The following COX7A2L variants were observed in gnomAD, a reference collection of about 807,000 sequenced individuals.
COX7A2L encodes cytochrome c oxidase subunit 7A2-like, mitochondrial.
Under a neutral mutation model 14.2 loss-of-function variants are expected in COX7A2L, and 18 were observed. The observed-to-expected ratio is 1.27, with a 90% CI of 0.88 to 1.88. The LOEUF (loss-of-function observed/expected upper bound fraction) is 1.88. Ranked by LOEUF, COX7A2L falls within the 40% of genes most tolerant of loss-of-function variation. COX7A2L has a pLI of 0.00. For missense variants in COX7A2L, 179 were observed against 138.8 expected (o/e 1.29, Z -1.46); for synonymous variants, 65 against 57.4 (o/e 1.13, Z -0.60).
upstream of COX7A2L, among the ~76,000 whole-genome samples, chr2:42,364,250 C>CAAAAAAAAAAAAAAAAAA (rs35151680): frequency 4.1e-4 from 35 of 85,420 alleles, no homozygotes; most frequent in African/African-American, 1.3e-3. Context: ...GACTCCGTCT[C>CAAAAAAAAAAAAAAAAAA]AAAAAAAAAA....
Position 42,351,254 on chromosome 2 carries a change from C to T in COX7A2L, c.310G>A (p.Ala104Thr), listed in dbSNP as rs752710138. ...TTGGGCTGCGAAGCCATGTAGAGGG[C>T]GATCAGGCAGTAGATGGTCCCTCCC... is the stretch of plus-strand genomic sequence containing the variant. ...TVGGTIYCLI[A>T]LYMASQPKNK Residue 104 changes from alanine (A) to threonine (T), a missense_variant, in exon 3 of 3, where the codon GCC becomes ACC. By Grantham distance (58) the Ala-to-Thr change is moderately conservative (BLOSUM62 0). Transcript: ENST00000234301. 1.1e-5 allele frequency: 17 copies of T among 1,614,032 alleles called. No homozygotes were observed. Among genetic ancestry groups the T allele is most frequent in the East Asian group, 2.2e-5 (1 of 44,876 alleles).
At chr2:42,366,395 G>A (rs1471116872) in intron 1 of COX7A2L, among the ~76,000 whole-genome samples, 1 of 152,206 alleles carries the variant, frequency 6.6e-6, no homozygotes, top group East Asian at 1.9e-4. Context: ...TTGCACTGCA[G>A]CCTGGGTGAC....
intron 2 of COX7A2L, among the ~76,000 whole-genome samples, chr2:42,352,234 A>C (rs1379951313): frequency 6.6e-6 from 1 of 152,110 alleles, no homozygotes; most frequent in African/African-American, 2.4e-5. Context: ...CAGTGGCTCA[A>C]TCATAGCTCA....
chr2:42,360,248 C>G (rs754547066), intron 1 of COX7A2L, among the ~76,000 whole-genome samples: 1 of 152,180 alleles, frequency 6.6e-6, no homozygotes, highest in Non-Finnish European at 1.5e-5. Context: ...TTATCCAGAA[C>G]CAACCACCTG....
In COX7A2L at chr2:42,339,012, G is replaced by T. The variant is rs369208961; in HGVS notation, c.193-5143C>A. Reference sequence around the variant, plus strand: ...ATCACTGGCTGGAGCCTGCATCACAGTCACCCGTGTTTGCACTGGAAGCCA... The same window carrying T: ...ATCACTGGCTGGAGCCTGCATCACATTCACCCGTGTTTGCACTGGAAGCCA... On this transcript the variant is annotated intron_variant, in intron 2 of 2. Coordinates refer to the COX7A2L transcript ENST00000468711. This position sits in a 1 kb window ranked among gnomAD's most constrained non-coding sequence, Gnocchi z 5.4. 1.2e-4 allele frequency among the ~76,000 whole-genome samples: 18 copies of T among 152,184 alleles called. No homozygotes were observed. The highest frequency in any genetic ancestry group is 4.3e-4 in the African/African-American group (18 of 41,442).
At chr2:42,353,413 A>G in intron 1 of COX7A2L, 70 bp from the exon 2 acceptor site, 1 of 1,583,724 alleles carries the variant, frequency 6.3e-7, no homozygotes. Flanking sequence ...TAGTGGAGGC[A>G]GCCATTCAAC....
At position 42,342,718 on chromosome 2, in the gene COX7A2L, G is replaced by C. The variant is rs962181992; in HGVS notation, c.193-8849C>G. Among the ~76,000 whole-genome samples the C allele has an allele frequency of 3.3e-5, 5 of 152,160 alleles. No homozygotes were observed. The highest frequency in any genetic ancestry group is 4.8e-5 in the African/African-American group (2 of 41,432). ...ACGAGGTCAGAACAAGAGAAGGCAG[G>C]ATGTCCCAGGAGGGCTGTGTCAGAA... is the stretch of plus-strand genomic sequence containing the variant. On this transcript the variant is annotated intron_variant, in intron 2 of 2. Coordinates refer to the COX7A2L transcript ENST00000468711. This position sits in a 1 kb window ranked among gnomAD's most constrained non-coding sequence, Gnocchi z 4.9.
chr2:42,354,270 T>TA (rs1377769329), intron 1 of COX7A2L, among the ~76,000 whole-genome samples: 2 of 152,040 alleles, frequency 1.3e-5, no homozygotes, highest in South Asian at 4.1e-4. Context: ...AAAGCTGCTT[T>TA]AAAAAAAGGT....
chr2:42,363,230 G>T (rs1281462571), upstream of COX7A2L, among the ~76,000 whole-genome samples: 1 of 152,130 alleles, frequency 6.6e-6, no homozygotes, highest in Non-Finnish European at 1.5e-5. Context: ...ACGACAAAAA[G>T]TTCGACTACC....
intron 2 of COX7A2L, among the ~76,000 whole-genome samples, chr2:42,336,119 C>T (rs1323774598): frequency 1.3e-5 from 2 of 152,240 alleles, no homozygotes; most frequent in Non-Finnish European, 2.9e-5. Flanking sequence ...GGCAGCTTCT[C>T]TCTGTCATTG....
chr2:42,368,655 T>C (rs926198173), intron 1 of COX7A2L, among the ~76,000 whole-genome samples: 2 of 152,226 alleles, frequency 1.3e-5, no homozygotes, highest in Admixed American at 1.3e-4. Flanking sequence ...GGGAATGATA[T>C]CTACTTTGTG....
chr2:42,360,553 G>A (rs981046265), intron 1 of COX7A2L, among the ~76,000 whole-genome samples: 8 of 152,196 alleles, frequency 5.3e-5, no homozygotes, highest in Non-Finnish European at 1.2e-4. Context: ...TAACCTCGCT[G>A]CATGCAACTT....
At chr2:42,352,732 A>G in intron 2 of COX7A2L, among the ~76,000 whole-genome samples, 1 of 152,120 alleles carries the variant, frequency 6.6e-6, no homozygotes, top group East Asian at 1.9e-4. Context: ...AACATTTTCA[A>G]TTCTGATTCT....
chr2:42,366,113 C>T (rs1003455493), upstream of COX7A2L, among the ~76,000 whole-genome samples: 1 of 152,110 alleles, frequency 6.6e-6, no homozygotes, highest in African/African-American at 2.4e-5. Context: ...TATAGAAAAG[C>T]TACCTGAATC....
chr2:42,361,202 A>T lies in COX7A2L; in HGVS notation c.-41T>A. 6.4e-7 allele frequency: 1 copy of T among 1,560,578 alleles called. No individual in the cohort carries two copies. Among genetic ancestry groups the T allele is most frequent in the Non-Finnish European group, 8.7e-7 (1 of 1,147,170 alleles). ...GCTTCCCGCATCCGCTGCCAACGCG[A>T]CCGCCCCAGAGAAGGACCCCGCCTC... is the stretch of plus-strand genomic sequence containing the variant. On this transcript the variant is annotated 5_prime_UTR_variant, in exon 1 of 3. Coordinates refer to ENST00000234301, the MANE Select transcript of COX7A2L (RefSeq NM_004718.4).
chr2:42,341,061 A>G (rs902603941), intron 2 of COX7A2L, among the ~76,000 whole-genome samples: 1 of 152,132 alleles, frequency 6.6e-6, no homozygotes, highest in African/African-American at 2.4e-5. Context: ...TCTTGGTTAT[A>G]ACGTGTCACA....
upstream of COX7A2L, among the ~76,000 whole-genome samples, chr2:42,362,056 G>A (rs190273001): frequency 6.6e-6 from 1 of 152,168 alleles, no homozygotes; most frequent in East Asian, 1.9e-4. Context: ...TCTCACCTGA[G>A]TTTTAAGGTC....
In COX7A2L at chr2:42,353,212, C is replaced by T; in HGVS notation, c.204G>A (p.Gln68=). 1 of 1,613,820 alleles carries T rather than the reference C, an allele frequency of 6.2e-7. No homozygotes were observed. The highest frequency in any genetic ancestry group is 8.5e-7 in the Non-Finnish European group (1 of 1,179,950). The change falls in exon 2 of 3, where the codon CAG becomes CAA. Residue 68 remains glutamine (Q), a splice_region_variant and synonymous_variant. Coordinates refer to ENST00000234301, the MANE Select transcript of COX7A2L (RefSeq NM_004718.4). The part of the protein sequence containing the change: ...NKVPELQKFF[Q]KADGVPVYLK... The stretch of plus-strand genomic sequence containing the variant: ...TCTGTTGTAGAGTATCTTCCCTCAC[C>T]TGGAAAAACTTTTGTAGCTCTGGAA...
chr2:42,344,248 G>A (rs1335022505), intron 2 of COX7A2L, among the ~76,000 whole-genome samples: 2 of 152,080 alleles, frequency 1.3e-5, no homozygotes, highest in Non-Finnish European at 2.9e-5. Flanking sequence ...CACTGCAGTT[G>A]GACACCCACC....
Sources: allele counts gnomAD v4.1 joint callset (sites outside exome capture counted in the v4.1 genomes callset), GRCh38; gene constraint gnomAD v4.1.1; non-coding constraint Gnocchi (gnomAD v3.1); transcripts MANE v1.5; gene names NCBI Gene and HGNC (gene_info 2026-07-23, HGNC 2026-07-21).